The following SLC30A7 variants were observed in gnomAD, a reference collection of about 807,000 sequenced individuals.
The protein encoded by SLC30A7 is zinc transporter 7.
SLC30A7 carries 35 observed loss-of-function variants against 46.0 expected under a neutral mutation model. The observed-to-expected ratio is 0.76, with a 90% CI of 0.58 to 1.01. The LOEUF (loss-of-function observed/expected upper bound fraction) is 1.01, where lower values mean the gene tolerates loss of function less well. Ranked by LOEUF, SLC30A7 falls within the 50% of genes least tolerant of loss-of-function variation. The pLI is 0.00. For synonymous variants in SLC30A7, 147 were observed against 157.8 expected (o/e 0.93, Z 0.51); for missense variants, 464 against 451.1 (o/e 1.03, Z -0.26).
At chr1:100,949,725 G>T (rs562431540) in intron 8 of SLC30A7, among the ~76,000 whole-genome samples, 1 of 152,272 alleles carries the variant, frequency 6.6e-6, no homozygotes, top group Admixed American at 6.5e-5. Flanking sequence ...CAATACAGAT[G>T]CCCCTCCCCC....
At chr1:100,903,072 T>C (rs1462712800) in intron 2 of SLC30A7, among the ~76,000 whole-genome samples, 1 of 152,162 alleles carries the variant, frequency 6.6e-6, no homozygotes, top group South Asian at 2.1e-4. Flanking sequence ...ATAAAACACA[T>C]TAAGAAATAA....
Position 100,911,122 on chromosome 1 carries a change from CT to C in SLC30A7, c.363del (p.Phe121LeufsTer11). 4 of 1,610,692 alleles carry C rather than the reference CT, an allele frequency of 2.5e-6. No homozygotes were observed. Among genetic ancestry groups the C allele is most frequent in the South Asian group, 1.1e-5 (1 of 90,642 alleles). On this transcript the variant is annotated frameshift_variant, in exon 4 of 11. Coordinates refer to ENST00000357650, the MANE Select transcript of SLC30A7 (RefSeq NM_133496.5). LOFTEE classifies it high-confidence loss of function. ...FVNGLFLIFT[A>X]FFIFSEGVER... ...AATGGCCTATTTTTGATCTTCACTG[CT>C]TTTTTTATTTTCTCAGAAGGAGTTG...
chr1:100,969,381 A>AT (rs1475363905), intron 10 of SLC30A7, among the ~76,000 whole-genome samples: 1 of 152,124 alleles, frequency 6.6e-6, no homozygotes, highest in African/African-American at 2.4e-5. Context: ...TTTTACCCTT[A>AT]TAGTGTGAGC....
the SLC30A7 span, chr1:100,992,883 A>C: frequency 1.5e-5 from 8 of 520,812 alleles, no homozygotes; most frequent in African/African-American, 1.3e-4. Flanking sequence ...CACTTTAAGC[A>C]TACACAAAAG....
intron 10 of SLC30A7, among the ~76,000 whole-genome samples, chr1:100,968,380 G>T (rs1325320041): frequency 2.6e-5 from 4 of 151,510 alleles, no homozygotes; most frequent in African/African-American, 9.7e-5. Flanking sequence ...AGAATCGCTT[G>T]AACCCAGGAG....
chr1:100,941,771 C>A (rs1366435068), intron 8 of SLC30A7: 1 of 623,114 alleles, frequency 1.6e-6, no homozygotes, highest in African/African-American at 1.8e-5. Flanking sequence ...TCCACAGTGG[C>A]ATACGTGACA....
chr1:100,904,365 A>G, intron 2 of SLC30A7, among the ~76,000 whole-genome samples: 1 of 152,002 alleles, frequency 6.6e-6, no homozygotes, highest in East Asian at 1.9e-4. Context: ...TTTCCATTTG[A>G]TTGTTTTTTA....
chr1:100,990,351 ACCATATCAAT>A, the SLC30A7 span: 3 of 1,512,800 alleles, frequency 2.0e-6, no homozygotes. Context: ...ATACATCCAA[ACCATATCAAT>A]CCATATATGG....
At chr1:100,926,319 C>G (rs1653302808) in intron 8 of SLC30A7, among the ~76,000 whole-genome samples, 1 of 152,144 alleles carries the variant, frequency 6.6e-6, no homozygotes. Context: ...TATTGGCTCA[C>G]AGTTCCGTAG....
chr1:100,913,969 T>G (rs1437030851), intron 6 of SLC30A7, among the ~76,000 whole-genome samples, 163 bp downstream of exon 6: 2 of 152,254 alleles, frequency 1.3e-5, no homozygotes, highest in Non-Finnish European at 2.9e-5. Context: ...TTGTATAGCA[T>G]GAAATTAACT....
intron 7 of SLC30A7, among the ~76,000 whole-genome samples, chr1:100,920,136 C>G (rs576614713): frequency 6.6e-6 from 1 of 152,106 alleles, no homozygotes; most frequent in African/African-American, 2.4e-5. Flanking sequence ...TAAGGAAAAT[C>G]AAGAACAAAT....
the SLC30A7 span, among the ~76,000 whole-genome samples, chr1:100,988,426 C>T: frequency 6.6e-6 from 1 of 152,182 alleles, no homozygotes; most frequent in South Asian, 2.1e-4. Flanking sequence ...CAAGCTATTA[C>T]ACCATTACCA....
chr1:100,910,060 A>G (rs1017912252), intron 3 of SLC30A7, among the ~76,000 whole-genome samples: 3 of 152,144 alleles, frequency 2.0e-5, no homozygotes, highest in African/African-American at 4.8e-5. Flanking sequence ...AATACATACT[A>G]TGTTGGAATG....
At chr1:100,915,252 T>TCTTC (rs1224174158) in intron 6 of SLC30A7, among the ~76,000 whole-genome samples, 42 of 141,186 alleles carry the variant, frequency 3.0e-4, no homozygotes, top group African/African-American at 7.2e-4. Context: ...TTTCTTTCTT[T>TCTTC]CTTCCTTTCT....
intron 8 of SLC30A7, among the ~76,000 whole-genome samples, chr1:100,958,112 C>T (rs1050073627): frequency 6.6e-6 from 1 of 152,102 alleles, no homozygotes; most frequent in African/African-American, 2.4e-5. Context: ...TCTCTTTCTC[C>T]AACCTGGCTT....
chr1:100,919,885 A>G (rs1183065452), intron 7 of SLC30A7, among the ~76,000 whole-genome samples: 2 of 152,134 alleles, frequency 1.3e-5, no homozygotes, highest in Non-Finnish European at 2.9e-5. Context: ...TTTCAATTAT[A>G]TGCTACATCT....
intron 8 of SLC30A7, among the ~76,000 whole-genome samples, chr1:100,939,925 C>G (rs143660615): frequency 3.3e-5 from 5 of 151,008 alleles, no homozygotes; most frequent in Non-Finnish European, 5.9e-5. Flanking sequence ...AATAAAAATA[C>G]CAGTAGGTCC....
At chr1:100,944,671 G>A (rs1391515097) in intron 8 of SLC30A7, among the ~76,000 whole-genome samples, 1 of 118,378 alleles carries the variant, frequency 8.4e-6, no homozygotes, top group Non-Finnish European at 1.6e-5. Context: ...CTACTCCCCG[G>A]TGTATATGTG....
intron 2 of SLC30A7, among the ~76,000 whole-genome samples, chr1:100,902,544 T>C (rs1651372935): frequency 6.6e-6 from 1 of 152,174 alleles, no homozygotes; most frequent in African/African-American, 2.4e-5. Flanking sequence ...ACCACAGAAA[T>C]TTATTGTCTC....
Sources: allele counts gnomAD v4.1 joint callset (sites outside exome capture counted in the v4.1 genomes callset), GRCh38; gene constraint gnomAD v4.1.1; transcripts MANE v1.5; gene names NCBI Gene and HGNC (gene_info 2026-07-23, HGNC 2026-07-21).